The following RRN3 variants were observed in gnomAD, a reference collection of about 807,000 sequenced individuals.
The protein encoded by RRN3 is RNA polymerase I transcription factor RRN3, also known as RNA polymerase I-specific transcription initiation factor RRN3.
In RRN3, 38 loss-of-function variants were observed where a neutral mutation model predicts 82.3. The observed-to-expected ratio is 0.46, with a 90% CI of 0.36 to 0.61. The LOEUF (loss-of-function observed/expected upper bound fraction) is 0.61. Among genes scored for constraint, RRN3 ranks in the 20% least tolerant of loss-of-function variants. RRN3 has a pLI of 0.00. For missense variants in RRN3, 726 were observed against 793.1 expected, an observed-to-expected ratio of 0.92 and a Z score of 1.02; for synonymous variants, 284 against 284.3, an observed-to-expected ratio of 1.00 and a Z score of 0.01.
Position 15,060,919 on chromosome 16 carries a change from G to A in RRN3, c.*825C>T, listed in dbSNP as rs1484081524. 1 of 152,210 alleles carries A rather than the reference G, an allele frequency of 6.6e-6. No homozygotes were observed. The allele number at this position is 152,210 out of a possible 1,614,324, so 9.4% of individuals were successfully genotyped here. On this transcript the variant is annotated 3_prime_UTR_variant, in exon 18 of 18. Coordinates refer to ENST00000198767, the MANE Select transcript of RRN3 (RefSeq NM_018427.5). ...CCAAGGAGCAGTTCTAGATCTAAGG[G>A]GACACTTGAGAGCCAAGGGGTCAAA...
Position 15,061,557 on chromosome 16 carries a change from G to T in RRN3, c.*187C>A, listed in dbSNP as rs2044710065. 1.6e-5 allele frequency: 8 copies of T among 488,484 alleles called. No individual in the cohort carries two copies. Among genetic ancestry groups the T allele is most frequent in the Non-Finnish European group, 2.9e-5 (8 of 272,886 alleles). The allele number at this position is 488,484 out of a possible 1,614,324, so 30.3% of individuals were successfully genotyped here. ...ATAGTCTTCATTTTGTCTGTAAGGG[G>T]AACAACAACAACAAAAAAACCCAGT... On this transcript the variant is annotated 3_prime_UTR_variant, in exon 18 of 18. Transcript: ENST00000198767.
At position 15,092,571 on chromosome 16, in the gene RRN3, G is replaced by C. The variant is rs770804997; in HGVS notation, c.133C>G (p.Pro45Ala). The C allele has an allele frequency of 1.2e-6, 2 of 1,613,496 alleles. No individual in the cohort carries two copies. The highest frequency in any genetic ancestry group is 1.1e-5 in the South Asian group (1 of 91,036). Reference sequence around the variant, plus strand: ...CCAAACCGAACAGTTTTTCTTGGGGGAGAATTGAAAAAGTCATTCTCTAAT... The same window carrying C: ...CCAAACCGAACAGTTTTTCTTGGGGCAGAATTGAAAAAGTCATTCTCTAAT... ...RALENDFFNSPPRKTVRFGGT... is the reference protein window; with the variant it reads ...RALENDFFNSAPRKTVRFGGT... The change falls in exon 2 of 18, where the codon CCC (proline) becomes GCC (alanine). Residue 45 changes from proline to alanine, a missense_variant. Physicochemically the swap from Pro to Ala is conservative, Grantham distance 27 (BLOSUM62 -1). Transcript: ENST00000198767.
At chr16:15,069,686 G>A (rs1283093589) in intron 14 of RRN3, among the ~76,000 whole-genome samples, 1 of 152,128 alleles carries the variant, frequency 6.6e-6, no homozygotes. Context: ...GTCTGTAAAG[G>A]GAGAATACCT....
At chr16:15,069,645 T>C (rs1489845717) in intron 14 of RRN3, among the ~76,000 whole-genome samples, 1 of 152,206 alleles carries the variant, frequency 6.6e-6, no homozygotes, top group Non-Finnish European at 1.5e-5. Context: ...CATGTGATCT[T>C]GGGAAAATGA....
chr16:15,060,362 A>C lies in RRN3; in HGVS notation c.*1382T>G, dbSNP rs1052140966. ...TATCCAAAACTTTAAAGCAATAAAAATTTCTATTTTCCAAAAAAGTATTTA... is the reference window on the plus strand; with the variant it reads ...TATCCAAAACTTTAAAGCAATAAAACTTTCTATTTTCCAAAAAAGTATTTA... On this transcript the variant is annotated 3_prime_UTR_variant, in exon 18 of 18. Transcript: ENST00000198767. 1.0e-5 allele frequency: 2 copies of C among 195,840 alleles called. No homozygotes were observed. Among genetic ancestry groups the C allele is most frequent in the East Asian group, 2.9e-4 (2 of 6,912 alleles). 12.1% of individuals were successfully genotyped at this position (195,840 alleles called of 1,614,324 possible). A position where few individuals can be genotyped will look rare whatever the true frequency, so the allele number is the denominator to read the frequency against.
Position 15,071,179 on chromosome 16 carries a change from G to A in RRN3, c.1201C>T (p.Gln401Ter). 6.2e-7 allele frequency: 1 copy of A among 1,611,118 alleles called. No individual in the cohort carries two copies. The highest frequency in any genetic ancestry group is 8.5e-7 in the Non-Finnish European group (1 of 1,179,400). Residue 401 changes from glutamine (Q) to a stop codon, truncating the protein, a stop_gained, in exon 13 of 18, where the codon CAG becomes TAG. Coordinates refer to ENST00000198767, the MANE Select transcript of RRN3 (RefSeq NM_018427.5). LOFTEE classifies it high-confidence loss of function. The part of the protein sequence containing the change: ...QDPSNPAIIR[Q>*]AAGNYIGSFL... ...CTTCCAATATAATTTCCAGCAGCCT[G>A]CCTGATGATGGCAGGATTACTTGGG... is the stretch of plus-strand genomic sequence containing the variant.
At chr16:15,086,341 C>T in intron 4 of RRN3, 24 bp downstream of exon 4, 6 of 1,612,862 alleles carry the variant, frequency 3.7e-6, no homozygotes, top group Non-Finnish European at 5.1e-6. Context: ...ACATACTTTA[C>T]AGTAAAATAA....
Position 15,068,168 on chromosome 16 carries a change from C to G in RRN3, c.1553+1G>C. 1 of 1,558,720 alleles carries G rather than the reference C, an allele frequency of 6.4e-7. No homozygotes were observed. The highest frequency in any genetic ancestry group is 2.3e-5 in the East Asian group (1 of 43,630). On this transcript the variant is annotated splice_donor_variant, in intron 15 of 17. Coordinates refer to ENST00000198767, the MANE Select transcript of RRN3 (RefSeq NM_018427.5). LOFTEE classifies it high-confidence loss of function. ...CCATCAAGAAAGCGTAAATAACTTACTTTGTGATTGCAGCAAAAAAGTTAA... is the reference window on the plus strand; with the variant it reads ...CCATCAAGAAAGCGTAAATAACTTAGTTTGTGATTGCAGCAAAAAAGTTAA...
chr16:15,087,079 T>C (rs756880763), intron 3 of RRN3, among the ~76,000 whole-genome samples: 12 of 152,198 alleles, frequency 7.9e-5, no homozygotes, highest in Non-Finnish European at 1.8e-4. Flanking sequence ...ATGTATAAAA[T>C]ACAGTGTCAA....
rs1453240282 is a variant in RRN3, at chr16:15,080,041, T to A, written c.722A>T (p.His241Leu). The A allele has an allele frequency of 6.2e-7, 1 of 1,601,426 alleles. No homozygotes were observed. The highest frequency in any genetic ancestry group is 8.5e-7 in the Non-Finnish European group (1 of 1,173,904). Residue 241 changes from histidine (H) to leucine (L), a missense_variant, in exon 9 of 18, where the codon CAT (histidine) becomes CTT (leucine). His to Leu is a moderately conservative substitution (Grantham distance 99). Transcript: ENST00000198767. The stretch of plus-strand genomic sequence containing the variant: ...TTCAATAATAAGCTCCAGAATTTCA[T>A]GCCTCAAGGTTGGAAAATATACACT... The part of the protein sequence containing the change: ...RISVYFPTLR[H>L]EILELIIEKL...
intron 17 of RRN3, among the ~76,000 whole-genome samples, chr16:15,062,484 C>A (rs1046617099): frequency 3.3e-5 from 5 of 152,204 alleles, no homozygotes; most frequent in South Asian, 2.1e-4. Context: ...TGCTCCCAAG[C>A]AACAGAGCAG....
At chr16:15,084,263 C>T (rs2045827002) in intron 7 of RRN3, among the ~76,000 whole-genome samples, 1 of 151,832 alleles carries the variant, frequency 6.6e-6, no homozygotes, top group South Asian at 2.1e-4. Context: ...AGAGGTCCAC[C>T]CCTCCAAAAG....
At chr16:15,064,652 CAAAA>C (rs954341632) in intron 16 of RRN3, among the ~76,000 whole-genome samples, 5 of 152,280 alleles carry the variant, frequency 3.3e-5, no homozygotes, top group Admixed American at 3.3e-4. Flanking sequence ...AAACAAAAAA[CAAAA>C]AACCCTTGAT....
At chr16:15,074,113 T>C (rs1431799616) in intron 11 of RRN3, among the ~76,000 whole-genome samples, 3 of 152,186 alleles carry the variant, frequency 2.0e-5, no homozygotes, top group Non-Finnish European at 4.4e-5. Flanking sequence ...ATTTAAATTG[T>C]TTTTATCCTT....
chr16:15,084,026 C>G (rs2045812359), intron 7 of RRN3, among the ~76,000 whole-genome samples: 1 of 152,088 alleles, frequency 6.6e-6, no homozygotes, highest in Non-Finnish European at 1.5e-5. Context: ...AGAACTGGAA[C>G]TTACAATGTA....
chr16:15,086,128 C>A lies in RRN3; in HGVS notation c.472+1G>T. On this transcript the variant is annotated splice_donor_variant, in intron 5 of 17. Coordinates refer to ENST00000198767, the MANE Select transcript of RRN3 (RefSeq NM_018427.5). LOFTEE classifies it high-confidence loss of function. ...AAATAAAATTCCAAGCAATGACTTA[C>A]GAGGCACAAAATGGGAAGCAATCAT... is the stretch of plus-strand genomic sequence containing the variant. 1 of 1,605,094 alleles carries A rather than the reference C, an allele frequency of 6.2e-7. No homozygotes were observed. Among genetic ancestry groups the A allele is most frequent in the African/African-American group, 1.3e-5 (1 of 74,298 alleles).
At chr16:15,074,463 T>C (rs2045367445) in intron 11 of RRN3, among the ~76,000 whole-genome samples, 1 of 152,188 alleles carries the variant, frequency 6.6e-6, no homozygotes, top group Admixed American at 6.5e-5. Flanking sequence ...GATCTAAAAC[T>C]GGCCAAACTC....
intron 8 of RRN3, 59 bp from the exon 9 acceptor site, chr16:15,080,155 G>T (rs1424032976): frequency 6.6e-7 from 1 of 1,521,102 alleles, no homozygotes; most frequent in Non-Finnish European, 8.8e-7. Flanking sequence ...TCACAGTTAT[G>T]TAAGCAAAAC....
In RRN3 at chr16:15,091,306, A is replaced by G. The variant is rs1431106225; in HGVS notation, c.252+9T>C. On this transcript the variant is annotated intron_variant, in intron 3 of 17. Transcript: ENST00000198767. ...AATTTTGCTAATGATCAAACACAAA[A>G]TTAATTACCTTTATGTCTGGATCTA... The G allele has an allele frequency of 1.2e-6, 2 of 1,603,172 alleles. No individual in the cohort carries two copies. Among genetic ancestry groups the G allele is most frequent in the Non-Finnish European group, 1.7e-6 (2 of 1,174,378 alleles).
Sources: allele counts gnomAD v4.1 joint callset (sites outside exome capture counted in the v4.1 genomes callset), GRCh38; gene constraint gnomAD v4.1.1; transcripts MANE v1.5; gene names NCBI Gene and HGNC (gene_info 2026-07-23, HGNC 2026-07-21).